The following RNF216 variants were observed in gnomAD, a reference collection of about 807,000 sequenced individuals.
RNF216 encodes the protein ring finger protein 216, also known as E3 ubiquitin-protein ligase RNF216.
RNF216 carries 72 observed loss-of-function variants against 110.8 expected under a neutral mutation model. The observed-to-expected ratio is 0.65, with a 90% confidence interval of 0.54 to 0.79. The LOEUF (loss-of-function observed/expected upper bound fraction) is 0.79, where lower values mean the gene tolerates loss of function less well. Among genes scored for constraint, RNF216 ranks in the 30% least tolerant of loss-of-function variants. RNF216 has a pLI of 0.00. For missense variants in RNF216, 1,342 were observed against 1,141.2 expected, an observed-to-expected ratio of 1.18 and a Z score of -2.54; for synonymous variants, 495 against 407.5, an observed-to-expected ratio of 1.21 and a Z score of -2.59.
intron 13 of RNF216, among the ~76,000 whole-genome samples, chr7:5,670,533 A>G (rs930971426): frequency 6.6e-6 from 1 of 152,220 alleles, no homozygotes; most frequent in East Asian, 1.9e-4. Context: ...AACAAACCTT[A>G]GGAGATTCCA....
intron 13 of RNF216, among the ~76,000 whole-genome samples, chr7:5,671,115 G>C (rs1281745170): frequency 6.6e-6 from 1 of 152,226 alleles, no homozygotes; most frequent in Non-Finnish European, 1.5e-5. Flanking sequence ...AACCTCACCA[G>C]AGGCAATATG....
chr7:5,743,783 G>T (rs146541232), intron 3 of RNF216, among the ~76,000 whole-genome samples: 255 of 152,260 alleles, frequency 1.7e-3, no homozygotes, highest in Non-Finnish European at 2.7e-3. Flanking sequence ...CTTTAGGGTG[G>T]GTCCCTGAGG....
intron 3 of RNF216, 104 bp downstream of exon 3, chr7:5,752,742 C>A (rs772250319): frequency 1.8e-6 from 2 of 1,116,316 alleles, no homozygotes; most frequent in Non-Finnish European, 1.3e-6. Context: ...GTTCTCAGAA[C>A]GAGTACAAGA....
At chr7:5,699,511 G>C (rs928189129) in intron 13 of RNF216, among the ~76,000 whole-genome samples, 3 of 152,194 alleles carry the variant, frequency 2.0e-5, no homozygotes, top group Non-Finnish European at 4.4e-5. Context: ...TACTGGCCCT[G>C]ATGATCTGAC....
chr7:5,746,173 T>C (rs1477401869), intron 3 of RNF216, among the ~76,000 whole-genome samples: 1 of 152,202 alleles, frequency 6.6e-6, no homozygotes, highest in African/African-American at 2.4e-5. Context: ...GTCTGAGCTC[T>C]GCTGTCTTTT....
chr7:5,660,943 G>GTTTTGTTTTTTTT (rs1554352520), intron 13 of RNF216, among the ~76,000 whole-genome samples: 1 of 90,164 alleles, frequency 1.1e-5, no homozygotes, highest in African/African-American at 5.5e-5. Flanking sequence ...GAAGCCTTAG[G>GTTTTGTTTTTTTT]TTTTTTTTTT....
chr7:5,632,837 A>C (rs117506427), intron 15 of RNF216, among the ~76,000 whole-genome samples: 2,858 of 152,260 alleles, frequency 0.019, 40 homozygotes, highest in Non-Finnish European at 0.029. Flanking sequence ...GTACCTATGG[A>C]TCACAGTGGG....
intron 15 of RNF216, among the ~76,000 whole-genome samples, chr7:5,634,479 T>C (rs189079523): frequency 1.8e-4 from 27 of 152,252 alleles, no homozygotes; most frequent in South Asian, 4.1e-4. Context: ...CCCCTTGCTG[T>C]CCCCAGCAAC....
chr7:5,639,470 AT>A (rs1227588519), intron 15 of RNF216, among the ~76,000 whole-genome samples: 37 of 147,550 alleles, frequency 2.5e-4, no homozygotes, highest in Admixed American at 2.7e-4. Flanking sequence ...ATGGCTCCAC[AT>A]TTTTTTTTTT....
intron 1 of RNF216, among the ~76,000 whole-genome samples, chr7:5,776,213 C>G (rs1796765469): frequency 6.6e-6 from 1 of 152,006 alleles, no homozygotes; most frequent in Admixed American, 6.6e-5. Context: ...GGGAATACAT[C>G]AAAACAAACT....
chr7:5,724,764 G>T (rs950064451), intron 8 of RNF216, among the ~76,000 whole-genome samples: 5 of 152,134 alleles, frequency 3.3e-5, no homozygotes, highest in South Asian at 4.1e-4. Context: ...TGTAGTAAAC[G>T]CCTTTACTGG....
At chr7:5,753,702 A>T (rs982973729) in intron 2 of RNF216, among the ~76,000 whole-genome samples, 9 of 152,146 alleles carry the variant, frequency 5.9e-5, no homozygotes, top group South Asian at 2.1e-4. Flanking sequence ...GGACAATTTT[A>T]AAAAAAAGCA....
At chr7:5,719,115 G>A (rs1243844365) in intron 9 of RNF216, among the ~76,000 whole-genome samples, 1 of 152,198 alleles carries the variant, frequency 6.6e-6, no homozygotes, top group Admixed American at 6.5e-5. Context: ...GCATGGTGGT[G>A]CATGCCTGTA....
intron 15 of RNF216, among the ~76,000 whole-genome samples, chr7:5,634,126 T>C (rs866841549): frequency 6.6e-6 from 1 of 152,258 alleles, no homozygotes; most frequent in African/African-American, 2.4e-5. Context: ...TTTACGGTCC[T>C]TTTGAGACTT....
chr7:5,730,166 G>A (rs184276381), intron 6 of RNF216, among the ~76,000 whole-genome samples: 136 of 152,336 alleles, frequency 8.9e-4, no homozygotes, highest in South Asian at 4.1e-3. Context: ...CCTGCATGCT[G>A]AAGTACTTAG....
intron 13 of RNF216, among the ~76,000 whole-genome samples, chr7:5,691,036 T>C (rs998076940): frequency 6.6e-6 from 1 of 152,088 alleles, no homozygotes; most frequent in African/African-American, 2.4e-5. Flanking sequence ...CTGCCTGTCG[T>C]CTCTTCCCAG....
At chr7:5,681,509 T>TG (rs1255740430) in intron 13 of RNF216, among the ~76,000 whole-genome samples, 1 of 151,966 alleles carries the variant, frequency 6.6e-6, no homozygotes, top group Admixed American at 6.6e-5. Context: ...TTCCAAGGGG[T>TG]GTTCTCAAGC....
intron 15 of RNF216, among the ~76,000 whole-genome samples, chr7:5,625,753 C>T (rs1786668050): frequency 6.6e-6 from 1 of 152,200 alleles, no homozygotes; most frequent in Non-Finnish European, 1.5e-5. Context: ...GGCAGATGGA[C>T]TGAGTAAGTA....
At chr7:5,635,412 G>C (rs1319826542) in intron 15 of RNF216, among the ~76,000 whole-genome samples, 2 of 151,790 alleles carry the variant, frequency 1.3e-5, no homozygotes, top group South Asian at 4.1e-4. Flanking sequence ...CTCTTTTGTA[G>C]AATAAATTTT....
Sources: allele counts gnomAD v4.1 joint callset (sites outside exome capture counted in the v4.1 genomes callset), GRCh38; gene constraint gnomAD v4.1.1; transcripts MANE v1.5; gene names NCBI Gene and HGNC (gene_info 2026-07-23, HGNC 2026-07-21).